ARHGEF1: variants seen among roughly 807,000 people sequenced by gnomAD.
The protein encoded by ARHGEF1 is Rho guanine nucleotide exchange factor 1, also known as 115 kDa guanine nucleotide exchange factor.
Under a neutral mutation model 119.7 loss-of-function variants are expected in ARHGEF1, and 40 were observed. That is an observed-to-expected ratio of 0.33 (90% CI 0.26 to 0.44). The LOEUF is 0.44. Ranked by LOEUF, ARHGEF1 falls within the 20% of genes least tolerant of loss-of-function variation. ARHGEF1 has a pLI of 1.00. For synonymous variants in ARHGEF1, 494 were observed against 521.0 expected (o/e 0.95, Z 0.71); for missense variants, 976 against 1,268.3 (o/e 0.77, Z 3.50).
In ARHGEF1 at chr19:41,914,639, C is replaced by A. The variant is rs199977633; in HGVS notation, c.1865+7836C>A. On this transcript the variant is annotated intron_variant, in intron 18 of 20. Transcript: ENST00000599589. ...CCTTCCACCATCTCTGTCTCTGTCT[C>A]TCCCTCCCTTTCCACCATCTCTGTC... Among the ~76,000 whole-genome samples, 163 of 38,280 alleles carry A rather than the reference C, an allele frequency of 4.3e-3. 42 individuals are homozygous for A. Among genetic ancestry groups the A allele is most frequent in the African/African-American group, 0.02 (87 of 4,370 alleles). 25.1% of individuals were successfully genotyped at this position (38,280 alleles called of 152,430 possible).
At chr19:41,891,556 T>A (rs1433231541) in intron 4 of ARHGEF1, among the ~76,000 whole-genome samples, 1 of 152,238 alleles carries the variant, frequency 6.6e-6, no homozygotes, top group Non-Finnish European at 1.5e-5. Context: ...AGTGCTGGGA[T>A]TACAGGTGTG....
At chr19:41,907,471 C>A, downstream of ARHGEF1, 4 of 1,442,394 alleles carry the variant, frequency 2.8e-6, no homozygotes, top group South Asian at 2.7e-5. Flanking sequence ...TGTGTGATGG[C>A]GGGGTGGGGC....
Position 41,907,207 on chromosome 19 carries a change from A to C in ARHGEF1, c.*120A>C, listed in dbSNP as rs2074716551. ...ACACCCCGAGGGCCTGAGGAGAGGG[A>C]GCTGTGGGCCACGCCTGGGAGGGGC... On this transcript the variant is annotated 3_prime_UTR_variant, in exon 29 of 29. Coordinates refer to ENST00000354532, the MANE Select transcript of ARHGEF1 (RefSeq NM_004706.4). 2.6e-6 allele frequency: 4 copies of C among 1,518,482 alleles called. No individual in the cohort carries two copies. The highest frequency in any genetic ancestry group is 3.5e-6 in the Non-Finnish European group (4 of 1,139,254). 94.1% of individuals were successfully genotyped at this position (1,518,482 alleles called of 1,614,324 possible). A position where few individuals can be genotyped will look rare whatever the true frequency, so the allele number is the denominator to read the frequency against.
At chr19:41,884,763 G>C (rs2074268554) in intron 1 of ARHGEF1, among the ~76,000 whole-genome samples, 1 of 152,114 alleles carries the variant, frequency 6.6e-6, no homozygotes, top group Non-Finnish European at 1.5e-5. Context: ...AGAATCCGGG[G>C]CTCTATAGAC....
chr19:41,897,007 CCA>C, intron 13 of ARHGEF1: 1 of 433,850 alleles, frequency 2.3e-6, no homozygotes, highest in Non-Finnish European at 4.6e-6. Flanking sequence ...TTTTCTTTCC[CCA>C]CCTTCCATCC....
At position 41,892,200 on chromosome 19, in the gene ARHGEF1, T is replaced by G; in HGVS notation, c.324+77T>G. On this transcript the variant is annotated intron_variant, in intron 5 of 28. Transcript: ENST00000354532. The surrounding 1 kb of genome is among the most constrained non-coding windows in gnomAD (Gnocchi z 6.3). ...GAGTCACCATGCGGTCCCCAGCCTC[T>G]GCCCTGAGGGCAGCTGCTGACCCAG... 1 of 1,562,066 alleles carries G rather than the reference T, an allele frequency of 6.4e-7. No homozygotes were observed. The highest frequency in any genetic ancestry group is 8.8e-7 in the Non-Finnish European group (1 of 1,138,898).
rs1568824742 is a variant in ARHGEF1 at position 41,904,836 on chromosome 19, A to T, written c.2162-113A>T. 6 of 857,388 alleles carry T rather than the reference A, an allele frequency of 7.0e-6. No homozygotes were observed. The highest frequency in any genetic ancestry group is 9.7e-6 in the Non-Finnish European group (5 of 516,940). 53.1% of individuals were successfully genotyped at this position (857,388 alleles called of 1,614,324 possible). ...CAGACAGTGAGTGGTGAGTTGAGCC[A>T]TGGGAGCCCTGAGAGCGCCACCACT... On this transcript the variant is annotated intron_variant, in intron 22 of 28. Coordinates refer to ENST00000354532, the MANE Select transcript of ARHGEF1 (RefSeq NM_004706.4). This position sits in a 1 kb window ranked among gnomAD's most constrained non-coding sequence, Gnocchi z 8.4.
Position 41,902,386 on chromosome 19 carries a change from A to G in ARHGEF1, c.1497+30A>G. ...GATGCCCAGCCCTCCCGCTCCTCCC[A>G]GCTAGACACATGGAATTCAGGCCCG... On this transcript the variant is annotated intron_variant, in intron 16 of 28. Coordinates refer to ENST00000354532, the MANE Select transcript of ARHGEF1 (RefSeq NM_004706.4). This position sits in a 1 kb window ranked among gnomAD's most constrained non-coding sequence, Gnocchi z 6.5. The G allele has an allele frequency of 1.2e-6, 2 of 1,613,476 alleles. No individual in the cohort carries two copies. The highest frequency in any genetic ancestry group is 1.7e-6 in the Non-Finnish European group (2 of 1,179,734).
chr19:41,887,808 C>G (rs782038239), intron 1 of ARHGEF1, among the ~76,000 whole-genome samples: 1 of 152,198 alleles, frequency 6.6e-6, no homozygotes, highest in African/African-American at 2.4e-5. Flanking sequence ...TGCAGGCTGT[C>G]AGACTCAGCC....
At chr19:41,920,343 TGCACTCAGACGTGAC>T (rs1439740308), upstream of ARHGEF1, among the ~76,000 whole-genome samples, 87 of 130,280 alleles carry the variant, frequency 6.7e-4, 2 homozygotes, top group African/African-American at 2.5e-3. Flanking sequence ...TCAGACGTGA[TGCACTCAGACGTGAC>T]GCACAGACAT....
upstream of ARHGEF1, among the ~76,000 whole-genome samples, chr19:41,919,944 C>T (rs144490774): frequency 6.2e-5 from 9 of 145,402 alleles, no homozygotes; most frequent in African/African-American, 2.0e-4. Context: ...ACATGATACG[C>T]CCAGACGTGA....
intron 1 of ARHGEF1, among the ~76,000 whole-genome samples, chr19:41,925,509 A>G (rs889408957): frequency 9.2e-5 from 14 of 152,150 alleles, no homozygotes; most frequent in Admixed American, 7.9e-4. Context: ...AGAAGGAGTG[A>G]GACACAGGTG....
chr19:41,907,992 C>T (rs1198326886), downstream of ARHGEF1: 1 of 400,116 alleles, frequency 2.5e-6, no homozygotes, highest in Non-Finnish European at 4.3e-6. Context: ...CAGGCGGGGA[C>T]CCCCCTCAAA....
chr19:41,898,240 A>G (rs1182159058), intron 13 of ARHGEF1: 2 of 1,318,606 alleles, frequency 1.5e-6, no homozygotes, highest in African/African-American at 3.0e-5. Context: ...GTGGTCACAG[A>G]CCTTGGAGGA....
upstream of ARHGEF1, chr19:41,923,091 G>T (rs1295181622): frequency 2.2e-6 from 1 of 454,874 alleles, no homozygotes; most frequent in African/African-American, 2.0e-5. Flanking sequence ...GCTTCCCTCA[G>T]CACCCCATCC....
downstream of ARHGEF1, chr19:41,907,640 C>T (rs373516904): frequency 9.4e-4 from 443 of 473,110 alleles, 11 homozygotes; most frequent in South Asian, 0.013. Flanking sequence ...TATGAGGCGT[C>T]TCCCTGACAC....
In ARHGEF1 at chr19:41,903,662, C is replaced by A. The variant is rs782309468; in HGVS notation, c.1840-45C>A. Reference sequence around the variant, plus strand: ...CCAATGTGGGTCACTGCAGGTCAGCCCCAGCACTTAGCTTGTCCCCATAAT... The same window carrying A: ...CCAATGTGGGTCACTGCAGGTCAGCACCAGCACTTAGCTTGTCCCCATAAT... On this transcript the variant is annotated intron_variant, in intron 19 of 28. Transcript: ENST00000354532. This position sits in a 1 kb window ranked among gnomAD's most constrained non-coding sequence, Gnocchi z 4.2. 6.3e-7 allele frequency: 1 copy of A among 1,594,130 alleles called. No homozygotes were observed. The highest frequency in any genetic ancestry group is 2.2e-5 in the East Asian group (1 of 44,780).
chr19:41,909,564 G>T, downstream of ARHGEF1: 1 of 1,002,572 alleles, frequency 1.0e-6, no homozygotes, highest in Non-Finnish European at 1.3e-6. The surrounding 1 kb of genome is among the most constrained non-coding windows in gnomAD (Gnocchi z 5.2). Context: ...CAGGCATGGT[G>T]CACAGAGCAC....
At chr19:41,907,885 G>T, downstream of ARHGEF1, 1 of 222,546 alleles carries the variant, frequency 4.5e-6, no homozygotes, top group Non-Finnish European at 7.9e-6. Context: ...GCCAGCACAG[G>T]GGGTTTGGAG....
Sources: gnomAD v4.1 joint callset for allele counts (sites outside exome capture counted in the v4.1 genomes callset) on GRCh38, gnomAD v4.1.1 for gene constraint, Gnocchi (gnomAD v3.1) non-coding constraint, MANE v1.5 for transcripts, NCBI Gene and HGNC (gene_info 2026-07-23, HGNC 2026-07-21) for gene names.